Variants in SMTN observed in about 807,000 individuals in gnomAD.
SMTN encodes the protein smoothelin.
Under a neutral mutation model 102.0 loss-of-function variants are expected in SMTN, and 58 were observed. The observed-to-expected ratio is 0.57, with a 90% CI of 0.46 to 0.71. The LOEUF is 0.71. Among genes scored for constraint, SMTN ranks in the 30% least tolerant of loss-of-function variants. SMTN has a pLI of 0.00. For synonymous variants in SMTN, 478 were observed against 497.9 expected (o/e 0.96, Z 0.53); for missense variants, 1,185 against 1,241.7 (o/e 0.95, Z 0.69).
chr22:31,095,441 G>A lies in SMTN; in HGVS notation c.1771G>A (p.Val591Ile), dbSNP rs767387915. 6 of 1,614,266 alleles carry A rather than the reference G, an allele frequency of 3.7e-6. No individual in the cohort carries two copies. The Admixed American group carries it at 6.7e-5, about 18-fold the overall frequency. ...GCTGATGACTATTGAGGATGAAGGA[G>A]TCTTGGACAAGATGGTATAGCCAGA... ...EELMTIEDEG[V>I]LDKMLDQSTD... is the part of the protein sequence containing the mutation. The change falls in exon 12 of 21, where the codon GTC (valine) becomes ATC (isoleucine). Residue 591 changes from valine to isoleucine, a missense_variant. Val to Ile is a conservative substitution (Grantham distance 29). Around this residue, in one of 2 missense-constraint regions of SMTN, gnomAD observed 1,096 missense variants for 1,112.7 expected, o/e 0.98. Transcript: ENST00000333137. The surrounding 1 kb of genome is among the most constrained non-coding windows in gnomAD (Gnocchi z 4.1).
At chr22:31,086,723 G>A (rs2147620270) in intron 2 of SMTN, among the ~76,000 whole-genome samples, 2 of 152,324 alleles carry the variant, frequency 1.3e-5, no homozygotes, top group South Asian at 4.1e-4. Context: ...TAAGGGCTCT[G>A]GCCTGAGTTT....
chr22:31,092,764 G>A (rs1056372217), intron 11 of SMTN, among the ~76,000 whole-genome samples: 4 of 152,226 alleles, frequency 2.6e-5, no homozygotes, highest in Non-Finnish European at 4.4e-5. Flanking sequence ...TGAGACCTGG[G>A]TCTGACACCA....
At chr22:31,098,589 C>T in intron 16 of SMTN, 78 bp from the exon 17 acceptor site, 3 of 1,270,296 alleles carry the variant, frequency 2.4e-6, no homozygotes, top group Non-Finnish European at 3.3e-6. Context: ...AAGACCCCCC[C>T]TCCTCCTCGC....
chr22:31,077,827 TG>T (rs2042166718), upstream of SMTN, among the ~76,000 whole-genome samples: 1 of 152,242 alleles, frequency 6.6e-6, no homozygotes. Flanking sequence ...GATGACATCC[TG>T]GAGATGATGG....
chr22:31,099,227 C>A, intron 18 of SMTN, 48 bp downstream of exon 18: 2 of 1,185,374 alleles, frequency 1.7e-6, no homozygotes, highest in African/African-American at 1.5e-5. Flanking sequence ...CAGACCCCAG[C>A]TCAACACCTC....
intron 11 of SMTN, chr22:31,092,481 G>A (rs945997053): frequency 8.5e-6 from 4 of 471,074 alleles, no homozygotes; most frequent in South Asian, 3.1e-5. Context: ...TCCACTAGCC[G>A]GGAGCTCAGC....
At chr22:31,099,976 A>C (rs1044026839) in intron 19 of SMTN, 80 bp downstream of exon 19, 43 of 1,436,066 alleles carry the variant, frequency 3.0e-5, no homozygotes, top group Admixed American at 1.6e-4. Context: ...TGCCCTGAGA[A>C]CCCCTGGAGC....
chr22:31,078,083 T>A (rs1309527746), upstream of SMTN, among the ~76,000 whole-genome samples: 2 of 152,220 alleles, frequency 1.3e-5, no homozygotes, highest in Admixed American at 1.3e-4. Context: ...GTCTCCAGAA[T>A]GACAGTGCTG....
At chr22:31,092,361 AG>A in intron 11 of SMTN, 3 of 446,646 alleles carry the variant, frequency 6.7e-6, no homozygotes, top group Non-Finnish European at 9.5e-6. Context: ...AGAAGCTCTG[AG>A]GGGGGACAGA....
intron 16 of SMTN, among the ~76,000 whole-genome samples, chr22:31,098,317 A>G (rs923824753): frequency 6.6e-6 from 1 of 152,178 alleles, no homozygotes; most frequent in Non-Finnish European, 1.5e-5. Context: ...AAGGATCAAC[A>G]GAGATGAATT....
At chr22:31,089,619 C>A in intron 6 of SMTN, 80 bp from the exon 7 acceptor site, 1 of 1,388,038 alleles carries the variant, frequency 7.2e-7, no homozygotes, top group Non-Finnish European at 9.9e-7. Context: ...GCCCTGGGCA[C>A]TTGCCAGCCT....
intron 1 of SMTN, among the ~76,000 whole-genome samples, chr22:31,074,754 G>T (rs571342145): frequency 4.5e-4 from 69 of 152,022 alleles, no homozygotes; most frequent in African/African-American, 1.5e-3. Flanking sequence ...CTGAGATTGT[G>T]CCATTGCACT....
At position 31,089,775 on chromosome 22, in the gene SMTN, A is replaced by T; in HGVS notation, c.548A>T (p.Asp183Val). 1.2e-6 allele frequency: 2 copies of T among 1,612,744 alleles called. No homozygotes were observed. The highest frequency in any genetic ancestry group is 1.7e-6 in the Non-Finnish European group (2 of 1,179,920). ...PTPTPEGTSQDVTTVTLLLRA... is the reference protein window; with the variant it reads ...PTPTPEGTSQVVTTVTLLLRA... ...CCCACCCCTGAAGGCACCAGCCAGGATGTGACCACAGTGACACTCCTGCTG... is the reference window on the plus strand; with the variant it reads ...CCCACCCCTGAAGGCACCAGCCAGGTTGTGACCACAGTGACACTCCTGCTG... Residue 183 changes from aspartate (D) to valine (V), a missense_variant, in exon 7 of 21, where the codon GAT (aspartate) becomes GTT (valine). Asp to Val is a radical substitution (Grantham distance 152). Coordinates refer to ENST00000333137, the MANE Select transcript of SMTN (RefSeq NM_134269.3).
At chr22:31,071,619 A>G (rs905350990) in intron 1 of SMTN, among the ~76,000 whole-genome samples, 23 of 152,108 alleles carry the variant, frequency 1.5e-4, no homozygotes, top group Admixed American at 1.3e-3. Context: ...CCTGTCTCAA[A>G]AAATTAAAAA....
chr22:31,084,961 G>A (rs1192984742), intron 2 of SMTN: 44 of 1,410,366 alleles, frequency 3.1e-5, no homozygotes, highest in African/African-American at 4.5e-5. Context: ...GCCATATAAG[G>A]AAAAGCTAGG....
chr22:31,069,983 T>C (rs915430127), intron 1 of SMTN, among the ~76,000 whole-genome samples: 1 of 152,096 alleles, frequency 6.6e-6, no homozygotes, highest in Non-Finnish European at 1.5e-5. Context: ...CTGGGTCTAA[T>C]AGGAAGTAGG....
In SMTN at chr22:31,073,011, C is replaced by CTTTTTTTTTT. The variant is rs59040826; in HGVS notation, c.-385-7427_-385-7418dup. On this transcript the variant is annotated intron_variant, in intron 1 of 3. Transcript: ENST00000422839. Reference sequence around the variant, plus strand: ...GCTGAAGTTGATTCTCTCTCTCTCTCTTTTTTTTTTTTTTTTTTTTTGAGA... The same window carrying CTTTTTTTTTT: ...GCTGAAGTTGATTCTCTCTCTCTCTCTTTTTTTTTTTTTTTTTTTTTTTTTTTTTTTGAGA... 2.1e-3 allele frequency among the ~76,000 whole-genome samples: 181 copies of CTTTTTTTTTT among 85,654 alleles called. 7 individuals carry two copies. The highest frequency in any genetic ancestry group is 5.3e-3 in the African/African-American group (103 of 19,618). 56.2% of individuals were successfully genotyped at this position (85,654 alleles called of 152,430 possible).
chr22:31,092,438 G>A (rs2043207377), intron 11 of SMTN: 1 of 471,028 alleles, frequency 2.1e-6, no homozygotes, highest in Non-Finnish European at 4.4e-6. Flanking sequence ...TGAATACGCA[G>A]CACCCTTCCA....
chr22:31,099,620 CAT>C, intron 18 of SMTN, 123 bp from the exon 19 acceptor site: 1 of 981,472 alleles, frequency 1.0e-6, no homozygotes, highest in Non-Finnish European at 1.5e-6. Context: ...ACTATTCACT[CAT>C]TGTGCAAGCT....
Sources: allele counts gnomAD v4.1 joint callset (sites outside exome capture counted in the v4.1 genomes callset), GRCh38; gene constraint gnomAD v4.1.1; regional missense constraint gnomAD v4.1.1; non-coding constraint Gnocchi (gnomAD v3.1); transcripts MANE v1.5; gene names NCBI Gene and HGNC (gene_info 2026-07-23, HGNC 2026-07-21).